Variants in RPN2 observed in about 807,000 individuals in gnomAD.
The protein encoded by RPN2 is ribophorin II.
RPN2 carries 29 observed loss-of-function variants against 71.4 expected under a neutral mutation model. The observed-to-expected ratio is 0.41, with a 90% confidence interval of 0.30 to 0.55. The LOEUF (loss-of-function observed/expected upper bound fraction) is 0.55. RPN2 is among the 20% of genes least tolerant of loss of function. The pLI, the probability that RPN2 is intolerant of heterozygous loss-of-function variation, is 0.35. For missense variants in RPN2, 726 were observed against 774.1 expected (o/e 0.94, Z 0.74); for synonymous variants, 308 against 305.0 (o/e 1.01, Z -0.10).
intron 2 of RPN2, among the ~76,000 whole-genome samples, chr20:37,185,325 T>C (rs1335515079): frequency 1.3e-5 from 2 of 151,972 alleles, no homozygotes; most frequent in East Asian, 1.9e-4. Context: ...TCGTTAGAGA[T>C]GGGGTTTTGC....
At chr20:37,199,698 A>C (rs1255048830) in intron 4 of RPN2, among the ~76,000 whole-genome samples, 1 of 152,202 alleles carries the variant, frequency 6.6e-6, no homozygotes, top group Non-Finnish European at 1.5e-5. Context: ...AGGGTGGAGT[A>C]TTCTAGGAAT....
At chr20:37,221,344 C>T (rs2067952657) in intron 9 of RPN2, among the ~76,000 whole-genome samples, 1 of 151,982 alleles carries the variant, frequency 6.6e-6, no homozygotes, top group Non-Finnish European at 1.5e-5. Flanking sequence ...TACAGGCGTG[C>T]ATCACCATGT....
intron 9 of RPN2, among the ~76,000 whole-genome samples, chr20:37,222,005 C>T (rs8118938): frequency 0.77 from 117,552 of 152,220 alleles, 45,854 homozygotes; most frequent in Middle Eastern, 0.89. Flanking sequence ...AAAGTGCTCT[C>T]AGCAGGTGTC....
Position 37,232,237 on chromosome 20 carries a change from A to C in RPN2, c.1582-59A>C, listed in dbSNP as rs560738103. On this transcript the variant is annotated intron_variant, in intron 13 of 16. Transcript: ENST00000237530. ...ATTGATGCTTTGGTCCCCGGTATAC[A>C]TGGCTGCCCCTACTGGGAAGGGCAC... The C allele has an allele frequency of 2.3e-5, 37 of 1,597,028 alleles. No homozygotes were observed. In the East Asian group the frequency reaches 6.7e-4, roughly 29 times the overall value.
intron 6 of RPN2, 114 bp from the exon 7 acceptor site, chr20:37,207,159 A>AAG: frequency 2.5e-6 from 2 of 812,622 alleles, no homozygotes; most frequent in Non-Finnish European, 4.3e-6. Flanking sequence ...CATTGACCAA[A>AAG]AGACCTCCCA....
intron 9 of RPN2, among the ~76,000 whole-genome samples, chr20:37,221,195 CT>C (rs1176292055): frequency 0.034 from 4,553 of 135,172 alleles, 70 homozygotes; most frequent in African/African-American, 0.046. Context: ...TTACACAATT[CT>C]TTTTTTTTTT....
chr20:37,200,088 G>A (rs954624300), intron 4 of RPN2, among the ~76,000 whole-genome samples: 11 of 151,840 alleles, frequency 7.2e-5, no homozygotes, highest in South Asian at 4.2e-4. Flanking sequence ...TCCGCCTCCC[G>A]GGTTCAAGCA....
intron 15 of RPN2, among the ~76,000 whole-genome samples, chr20:37,235,195 C>T (rs2068353270): frequency 6.6e-6 from 1 of 152,150 alleles, no homozygotes. Flanking sequence ...CGCTGTAGTT[C>T]ATCCGTCATC....
intron 10 of RPN2, among the ~76,000 whole-genome samples, chr20:37,224,266 A>T (rs2068026432): frequency 1.3e-5 from 2 of 152,224 alleles, no homozygotes; most frequent in African/African-American, 4.8e-5. Flanking sequence ...CAGCTATGTC[A>T]CTAAGCATAT....
rs200939738 is a variant in RPN2 at position 37,211,596 on chromosome 20, C to T, written c.986+1431C>T. 8.7e-5 allele frequency among the ~76,000 whole-genome samples: 13 copies of T among 148,858 alleles called. No individual in the cohort carries two copies. In the East Asian group the frequency reaches 1.0e-3, roughly 11 times the overall value. ...GCGGAGGTTGGCAGTGAGCTGAGAA[C>T]GCGCCATTGCACTCCAGCCTGGGCG... On this transcript the variant is annotated intron_variant, in intron 8 of 16. Transcript: ENST00000237530.
intron 2 of RPN2, among the ~76,000 whole-genome samples, chr20:37,197,063 C>T (rs565637165): frequency 9.9e-5 from 15 of 152,162 alleles, no homozygotes; most frequent in East Asian, 3.9e-4. Flanking sequence ...AAGGTGCTCC[C>T]GGCAGGGTGG....
intron 1 of RPN2, among the ~76,000 whole-genome samples, chr20:37,180,913 A>G (rs561307237): frequency 1.3e-5 from 2 of 152,274 alleles, no homozygotes; most frequent in South Asian, 4.1e-4. Context: ...GTGTAAGTCA[A>G]ATCACTCCTC....
intron 9 of RPN2, among the ~76,000 whole-genome samples, chr20:37,219,189 T>C (rs1210647806): frequency 6.6e-6 from 1 of 152,222 alleles, no homozygotes; most frequent in Non-Finnish European, 1.5e-5. Context: ...CTTGTTATTA[T>C]CTGACTTTTT....
chr20:37,199,650 G>T (rs977242284), intron 4 of RPN2, among the ~76,000 whole-genome samples: 5 of 152,192 alleles, frequency 3.3e-5, no homozygotes, highest in African/African-American at 1.2e-4. Flanking sequence ...CCTGGAAGTT[G>T]TGAAAGACAG....
intron 15 of RPN2, among the ~76,000 whole-genome samples, chr20:37,235,904 C>T (rs1350969015): frequency 6.6e-6 from 1 of 152,072 alleles, no homozygotes; most frequent in East Asian, 1.9e-4. Context: ...TCTGCCTCGG[C>T]CTCCCAAAGT....
intron 1 of RPN2, 93 bp downstream of exon 1, chr20:37,179,462 C>T (rs1474432718): frequency 8.4e-6 from 12 of 1,424,702 alleles, no homozygotes; most frequent in Admixed American, 2.6e-5. Context: ...GATCCCCTTC[C>T]CCTGCGGGAC....
At chr20:37,237,704 A>G (rs1454699841) in intron 16 of RPN2, among the ~76,000 whole-genome samples, 1 of 152,164 alleles carries the variant, frequency 6.6e-6, no homozygotes, top group Non-Finnish European at 1.5e-5. Flanking sequence ...TAGCACCAGC[A>G]GTGGCAGCTG....
chr20:37,191,955 A>G (rs536930481), intron 2 of RPN2, among the ~76,000 whole-genome samples: 2 of 137,172 alleles, frequency 1.5e-5, no homozygotes, highest in South Asian at 5.1e-4. Flanking sequence ...TTAGATGGGC[A>G]TGGTGGCATG....
At chr20:37,240,975 G>A (rs2068534333) in intron 16 of RPN2, among the ~76,000 whole-genome samples, 1 of 152,194 alleles carries the variant, frequency 6.6e-6, no homozygotes, top group African/African-American at 2.4e-5. Flanking sequence ...AATTTACACT[G>A]TGTTTTTGGC....
Sources: allele counts gnomAD v4.1 joint callset (sites outside exome capture counted in the v4.1 genomes callset), GRCh38; gene constraint gnomAD v4.1.1; transcripts MANE v1.5; gene names NCBI Gene and HGNC (gene_info 2026-07-23, HGNC 2026-07-21).